Variants in KCNQ3 observed in about 807,000 individuals in gnomAD.
KCNQ3 encodes potassium voltage-gated channel subfamily Q member 3.
Under a neutral mutation model 92.5 loss-of-function variants are expected in KCNQ3, and 30 were observed. That is an observed-to-expected ratio of 0.32 (90% CI 0.24 to 0.44). The LOEUF (loss-of-function observed/expected upper bound fraction) is 0.44, where lower values mean the gene tolerates loss of function less well. KCNQ3 is among the 20% of genes least tolerant of loss of function. The pLI is 1.00. For missense variants in KCNQ3, 913 were observed against 1,140.3 expected, an observed-to-expected ratio of 0.80 and a Z score of 2.87; for synonymous variants, 450 against 468.8, an observed-to-expected ratio of 0.96 and a Z score of 0.52.
In KCNQ3 at chr8:132,129,843, A is replaced by T. The variant is rs1223253841; in HGVS notation, c.2038T>A (p.Leu680Met). ...EKKEDNRYSD[L>M]KTIICNYSET... is the part of the protein sequence containing the mutation. The stretch of plus-strand genomic sequence containing the variant: ...GAATAGTTGCAGATGATGGTTTTCA[A>T]ATCGGAATACCTGTTGTCCTCCTTC... The change falls in exon 15 of 15, where the codon TTG becomes ATG. Residue 680 changes from leucine (L) to methionine (M), a missense_variant. Coordinates refer to ENST00000388996, the MANE Select transcript of KCNQ3 (RefSeq NM_004519.4). This position sits in a 1 kb window ranked among gnomAD's most constrained non-coding sequence, Gnocchi z 5.9. The T allele has an allele frequency of 6.2e-7, 1 of 1,613,986 alleles. No homozygotes were observed. Among genetic ancestry groups the T allele is most frequent in the African/African-American group, 1.3e-5 (1 of 74,894 alleles).
At chr8:132,199,754 A>G (rs368233140) in intron 1 of KCNQ3, among the ~76,000 whole-genome samples, 157 of 152,290 alleles carry the variant, frequency 1.0e-3, no homozygotes, top group African/African-American at 3.6e-3. Context: ...TACTAAAAAT[A>G]CAAAAATTAG....
At position 132,140,064 on chromosome 8, in the gene KCNQ3, T is replaced by C. The variant is rs181790623; in HGVS notation, c.1568+12A>G. The C allele has an allele frequency of 2.1e-4, 331 of 1,572,174 alleles. 2 individuals carry two copies. In the African/African-American group the frequency reaches 4.1e-3, roughly 19 times the overall value. ...AGGCACACAGGCACAGGTGGGACCG[T>C]GGGGGCATTACCTGACGGCTCGGAT... On this transcript the variant is annotated intron_variant, in intron 11 of 14. Coordinates refer to ENST00000388996, the MANE Select transcript of KCNQ3 (RefSeq NM_004519.4).
At chr8:132,370,371 A>T (rs974244232) in intron 1 of KCNQ3, among the ~76,000 whole-genome samples, 16 of 152,252 alleles carry the variant, frequency 1.1e-4, no homozygotes, top group African/African-American at 3.4e-4. Context: ...ACCCCACAGC[A>T]GGAACAGGTA....
chr8:132,203,737 G>T (rs369333465), intron 1 of KCNQ3, among the ~76,000 whole-genome samples: 1 of 152,090 alleles, frequency 6.6e-6, no homozygotes, highest in African/African-American at 2.4e-5. Flanking sequence ...AAACTCAAAG[G>T]GTTGCTGTGA....
At chr8:132,421,828 A>G (rs1820974403) in intron 1 of KCNQ3, among the ~76,000 whole-genome samples, 1 of 152,160 alleles carries the variant, frequency 6.6e-6, no homozygotes, top group South Asian at 2.1e-4. Context: ...AGATAATGGG[A>G]GAGACATCTG....
intron 1 of KCNQ3, among the ~76,000 whole-genome samples, chr8:132,453,440 T>A (rs1821867655): frequency 6.6e-6 from 1 of 152,050 alleles, no homozygotes; most frequent in African/African-American, 2.4e-5. Context: ...TGCCTGGAAT[T>A]ATTATGTGGG....
chr8:132,466,128 T>C (rs915803982), intron 1 of KCNQ3, among the ~76,000 whole-genome samples: 4 of 152,088 alleles, frequency 2.6e-5, no homozygotes, highest in Admixed American at 2.0e-4. Context: ...GCTTAGAAAG[T>C]TTAGCTATCA....
intron 1 of KCNQ3, among the ~76,000 whole-genome samples, chr8:132,285,976 G>C (rs1816668250): frequency 6.6e-6 from 1 of 152,154 alleles, no homozygotes; most frequent in African/African-American, 2.4e-5. Flanking sequence ...TGCAGACCTT[G>C]GTAGTGCCCA....
intron 1 of KCNQ3, among the ~76,000 whole-genome samples, chr8:132,295,124 T>C (rs961184770): frequency 6.6e-6 from 1 of 152,228 alleles, no homozygotes; most frequent in East Asian, 1.9e-4. Flanking sequence ...GAGACAATTT[T>C]TGCAATCTGT....
chr8:132,363,373 T>A (rs946961095), intron 1 of KCNQ3, among the ~76,000 whole-genome samples: 1 of 152,134 alleles, frequency 6.6e-6, no homozygotes, highest in Non-Finnish European at 1.5e-5. Context: ...TATCTGGTCA[T>A]TGAACACTTA....
intron 9 of KCNQ3, among the ~76,000 whole-genome samples, chr8:132,155,694 T>C (rs1453482398): frequency 6.6e-6 from 1 of 152,194 alleles, no homozygotes. Context: ...AATTCTACTA[T>C]TGTGGCTGGA....
chr8:132,141,202 A>G lies in KCNQ3; in HGVS notation c.1392T>C (p.Val464=), dbSNP rs748070865. The G allele has an allele frequency of 6.2e-7, 1 of 1,614,236 alleles. No homozygotes were observed. Among genetic ancestry groups the G allele is most frequent in the South Asian group, 1.1e-5 (1 of 91,092 alleles). The change falls in exon 10 of 15, where the codon GTT becomes GTC. Residue 464 remains valine (V), a synonymous_variant. Transcript: ENST00000388996. ...EESPSKEPKP[V]GLNNKERFRT... ...GGAAACGCTCTTTATTGTTTAAGCC[A>G]ACAGGCTTTGGTTCTTTAGAAGGAC...
chr8:132,403,502 C>G (rs1428730066), intron 1 of KCNQ3, among the ~76,000 whole-genome samples: 1 of 152,210 alleles, frequency 6.6e-6, no homozygotes, highest in African/African-American at 2.4e-5. Context: ...GGGTGTTAAG[C>G]AGCATGCAGA....
chr8:132,351,293 C>A (rs866550982), intron 1 of KCNQ3, among the ~76,000 whole-genome samples: 1 of 152,156 alleles, frequency 6.6e-6, no homozygotes. Context: ...AGATCCAGGG[C>A]TGAACTGGTT....
chr8:132,467,203 GTGGC>G (rs1822192732), intron 1 of KCNQ3, among the ~76,000 whole-genome samples: 1 of 152,190 alleles, frequency 6.6e-6, no homozygotes, highest in Non-Finnish European at 1.5e-5. Flanking sequence ...GGGTTTCCTG[GTGGC>G]TGGGCGGGTG....
At chr8:132,460,054 G>T (rs368755761) in intron 1 of KCNQ3, among the ~76,000 whole-genome samples, 1 of 152,044 alleles carries the variant, frequency 6.6e-6, no homozygotes, top group African/African-American at 2.4e-5. Context: ...CCATCAATAT[G>T]GGATTTTTTA....
At chr8:132,333,056 G>T (rs1181640733) in intron 1 of KCNQ3, among the ~76,000 whole-genome samples, 1 of 151,710 alleles carries the variant, frequency 6.6e-6, no homozygotes. Context: ...TGGATGGATG[G>T]ATGGAAGATG....
intron 1 of KCNQ3, among the ~76,000 whole-genome samples, chr8:132,307,721 C>T (rs898236516): frequency 6.6e-6 from 1 of 152,186 alleles, no homozygotes; most frequent in Non-Finnish European, 1.5e-5. Context: ...CCCCAACAAG[C>T]TTAGCCTTGA....
chr8:132,185,566 A>G (rs1826933434), intron 2 of KCNQ3, among the ~76,000 whole-genome samples: 1 of 152,244 alleles, frequency 6.6e-6, no homozygotes. Context: ...TGACTTGCCC[A>G]AGAATTCTAA....
Sources: allele counts gnomAD v4.1 joint callset (sites outside exome capture counted in the v4.1 genomes callset), GRCh38; gene constraint gnomAD v4.1.1; non-coding constraint Gnocchi (gnomAD v3.1); transcripts MANE v1.5; gene names NCBI Gene and HGNC (gene_info 2026-07-23, HGNC 2026-07-21).